BCAS3: variants seen among roughly 807,000 people sequenced by gnomAD.
BCAS3 encodes the protein BCAS4/BCAS3 fusion.
In BCAS3, 53 loss-of-function variants were observed where a neutral mutation model predicts 116.1. The observed-to-expected ratio is 0.46, with a 90% CI of 0.37 to 0.57. BCAS3 has a LOEUF of 0.57. Among genes scored for constraint, BCAS3 ranks in the 20% least tolerant of loss-of-function variants. The pLI is 0.00. For missense variants in BCAS3, 917 were observed against 1,165.4 expected (o/e 0.79, Z 3.10); for synonymous variants, 391 against 408.2 (o/e 0.96, Z 0.51).
chr17:61,260,727 C>T (rs2049129948), intron 22 of BCAS3, among the ~76,000 whole-genome samples: 1 of 152,222 alleles, frequency 6.6e-6, no homozygotes, highest in African/African-American at 2.4e-5. Flanking sequence ...ACACTTTGTA[C>T]CGACTAACAT....
intron 22 of BCAS3, among the ~76,000 whole-genome samples, chr17:61,127,030 CAT>C (rs1440905351): frequency 1.3e-5 from 2 of 151,868 alleles, no homozygotes; most frequent in Non-Finnish European, 2.9e-5. Context: ...CATCTCGAAA[CAT>C]AAACAAAAGA....
chr17:61,165,342 A>G (rs1254655573), intron 22 of BCAS3, among the ~76,000 whole-genome samples: 4 of 152,328 alleles, frequency 2.6e-5, no homozygotes, highest in East Asian at 1.9e-4. Flanking sequence ...ATATATTTTC[A>G]GTAGTATTAT....
rs1354064042 is a variant in BCAS3, at chr17:61,391,687, C to G, written c.2594-290C>G. Reference sequence around the variant, plus strand: ...ACGGGCTCATGAAGAGCTGTGTAGTCCACACACATCGTCAGGGTGGCCGTG... The same window carrying G: ...ACGGGCTCATGAAGAGCTGTGTAGTGCACACACATCGTCAGGGTGGCCGTG... On this transcript the variant is annotated intron_variant, in intron 23 of 23. Transcript: ENST00000407086. The surrounding 1 kb of genome is among the most constrained non-coding windows in gnomAD (Gnocchi z 7.7). 4.8e-6 allele frequency: 2 copies of G among 418,230 alleles called. No homozygotes were observed. The highest frequency in any genetic ancestry group is 6.6e-4 in the Middle Eastern group (1 of 1,506). The allele number at this position is 418,230 out of a possible 1,614,324, so 25.9% of individuals were successfully genotyped here. A position where few individuals can be genotyped will look rare whatever the true frequency, so the allele number is the denominator to read the frequency against.
At chr17:60,799,173 A>G (rs2047476002) in intron 6 of BCAS3, among the ~76,000 whole-genome samples, 1 of 152,208 alleles carries the variant, frequency 6.6e-6, no homozygotes, top group Non-Finnish European at 1.5e-5. Context: ...ATTATTTAAT[A>G]TTAAAGAAAA....
At chr17:60,801,334 T>A (rs2047754799) in intron 6 of BCAS3, among the ~76,000 whole-genome samples, 5 of 152,200 alleles carry the variant, frequency 3.3e-5, no homozygotes, top group Non-Finnish European at 7.4e-5. Flanking sequence ...TTTTGTATGC[T>A]GATCTTATAG....
In BCAS3 at chr17:61,118,792, A is replaced by G. The variant is rs571111872; in HGVS notation, c.2425+34228A>G. 3.5e-4 allele frequency among the ~76,000 whole-genome samples: 54 copies of G among 152,282 alleles called. No individual in the cohort carries two copies. The highest frequency in any genetic ancestry group is 1.7e-3 in the Admixed American group (26 of 15,298). ...AGACCTTGAGGTGTAGAAATGTTCA[A>G]TAACCTTTACCAATATGGGGACTAA... On this transcript the variant is annotated intron_variant, in intron 22 of 23. Coordinates refer to ENST00000407086, the MANE Select transcript of BCAS3 (RefSeq NM_017679.5). This position sits in a 1 kb window ranked among gnomAD's most constrained non-coding sequence, Gnocchi z 5.0.
rs1471611722 is a variant in BCAS3, at chr17:61,118,568, G to C, written c.2425+34004G>C. Among the ~76,000 whole-genome samples, 1 of 152,184 alleles carries C rather than the reference G, an allele frequency of 6.6e-6. No homozygotes were observed. The highest frequency in any genetic ancestry group is 1.5e-5 in the Non-Finnish European group (1 of 68,030). On this transcript the variant is annotated intron_variant, in intron 22 of 23. Coordinates refer to ENST00000407086, the MANE Select transcript of BCAS3 (RefSeq NM_017679.5). This position sits in a 1 kb window ranked among gnomAD's most constrained non-coding sequence, Gnocchi z 5.0. ...CCCCTGTGGAGGTGTTGGGCACCTT[G>C]TCATAGCCTCTCAAGGGTGGAGTCT...
chr17:60,771,702 T>TC (rs1163252940), intron 6 of BCAS3, among the ~76,000 whole-genome samples: 1 of 152,134 alleles, frequency 6.6e-6, no homozygotes, highest in Non-Finnish European at 1.5e-5. Context: ...CCCTCCCCTG[T>TC]CCCCCTATCC....
rs1313096747 is a variant in BCAS3 at position 61,026,852 on chromosome 17, C to T, written c.1638-7814C>T. On this transcript the variant is annotated intron_variant, in intron 16 of 23. Coordinates refer to ENST00000407086, the MANE Select transcript of BCAS3 (RefSeq NM_017679.5). This position sits in a 1 kb window ranked among gnomAD's most constrained non-coding sequence, Gnocchi z 5.0. ...CTCTAATTTTTTGTGCATTTTTCCC[C>T]CTTTTCCATGAAGGCCTTATCTCTT... is the stretch of plus-strand genomic sequence containing the variant. 4 of 1,591,136 alleles carry T rather than the reference C, an allele frequency of 2.5e-6. No individual in the cohort carries two copies. In the East Asian group the frequency reaches 9.0e-5, roughly 36 times the overall value.
At chr17:61,043,134 G>A (rs1167136886) in intron 19 of BCAS3, among the ~76,000 whole-genome samples, 2 of 151,806 alleles carry the variant, frequency 1.3e-5, no homozygotes, top group African/African-American at 4.8e-5. Flanking sequence ...GGAGACCGAG[G>A]TAGGCAGATC....
rs2079434426 is a variant in BCAS3 at position 61,180,778 on chromosome 17, C to T, written c.2425+96214C>T. Among the ~76,000 whole-genome samples, 1 of 152,162 alleles carries T rather than the reference C, an allele frequency of 6.6e-6. No homozygotes were observed. Among genetic ancestry groups the T allele is most frequent in the South Asian group, 2.1e-4 (1 of 4,822 alleles). On this transcript the variant is annotated intron_variant, in intron 22 of 23. Transcript: ENST00000407086. This position sits in a 1 kb window ranked among gnomAD's most constrained non-coding sequence, Gnocchi z 6.0. ...TAGGCACAGAATAAAGTTATCCTAG[C>T]CATGTAGCACTTGAAATGAGGGGGA...
chr17:61,303,861 T>G (rs114089679), intron 22 of BCAS3, among the ~76,000 whole-genome samples: 9,358 of 152,256 alleles, frequency 0.061, 946 homozygotes, highest in African/African-American at 0.21. Flanking sequence ...CCAAGTCTTG[T>G]GCCTGGCACT....
intron 13 of BCAS3, among the ~76,000 whole-genome samples, chr17:60,937,036 A>G (rs1305767387): frequency 2.0e-5 from 3 of 152,246 alleles, no homozygotes; most frequent in Admixed American, 6.5e-5. Context: ...TAATTTTTGT[A>G]TAAGGTGTAA....
chr17:60,889,728 C>CTA lies in BCAS3; in HGVS notation c.697_698dup (p.Ala234LeufsTer15). ...CCATGTCCAGGGCCAAACATGAATC[C>CTA]TATTGCTCTTGGGAGCCGCTGGCTT... On this transcript the variant is annotated frameshift_variant, in exon 10 of 24. Transcript: ENST00000407086. LOFTEE classifies it high-confidence loss of function. 1 of 1,613,364 alleles carries CTA rather than the reference C, an allele frequency of 6.2e-7. No individual in the cohort carries two copies.
At chr17:61,280,231 C>T (rs994219344) in intron 22 of BCAS3, among the ~76,000 whole-genome samples, 3 of 152,206 alleles carry the variant, frequency 2.0e-5, no homozygotes, top group Admixed American at 1.3e-4. Context: ...ACTCATGGCT[C>T]AGTACTCTTT....
intron 12 of BCAS3, among the ~76,000 whole-genome samples, chr17:60,913,665 G>A (rs1035699988): frequency 6.6e-6 from 1 of 152,066 alleles, no homozygotes; most frequent in Non-Finnish European, 1.5e-5. Context: ...GATTGTATAC[G>A]AAAAGCTGAT....
intron 22 of BCAS3, among the ~76,000 whole-genome samples, chr17:61,137,228 G>A (rs1274992747): frequency 6.6e-6 from 1 of 152,122 alleles, no homozygotes; most frequent in Non-Finnish European, 1.5e-5. Context: ...GACACAAAAA[G>A]ATTCAGCAAA....
Position 61,012,888 on chromosome 17 carries a change from A to G in BCAS3, c.1487-2863A>G, listed in dbSNP as rs1334929911. ...CAAATTCAATGACTTCAACATCTAT[A>G]CTGTTCCCTCGCTGAAGAACTTAAC... On this transcript the variant is annotated intron_variant, in intron 15 of 23. Transcript: ENST00000407086. The surrounding 1 kb of genome is among the most constrained non-coding windows in gnomAD (Gnocchi z 4.5). 6.6e-6 allele frequency among the ~76,000 whole-genome samples: 1 copy of G among 152,014 alleles called. No individual in the cohort carries two copies. Among genetic ancestry groups the G allele is most frequent in the Non-Finnish European group, 1.5e-5 (1 of 67,950 alleles).
chr17:60,705,536 G>GAA (rs1200569407), intron 4 of BCAS3, among the ~76,000 whole-genome samples: 6 of 141,574 alleles, frequency 4.2e-5, no homozygotes, highest in African/African-American at 2.6e-5. Context: ...AAAAAGAAAA[G>GAA]AAAATCATGA....
Sources: gnomAD v4.1 joint callset for allele counts (sites outside exome capture counted in the v4.1 genomes callset) on GRCh38, gnomAD v4.1.1 for gene constraint, Gnocchi (gnomAD v3.1) non-coding constraint, MANE v1.5 for transcripts, NCBI Gene and HGNC (gene_info 2026-07-23, HGNC 2026-07-21) for gene names.